RPH3A: variants seen among roughly 807,000 people sequenced by gnomAD.
The protein encoded by RPH3A is rabphilin 3A, also known as rabphilin-3A.
RPH3A carries 48 observed loss-of-function variants against 102.2 expected under a neutral mutation model. The ratio of observed to expected loss-of-function variants is 0.47; its 90% confidence interval spans 0.37 to 0.60. The LOEUF is 0.60. RPH3A is among the 20% of genes least tolerant of loss of function. The pLI is 0.00. For synonymous variants in RPH3A, 310 were observed against 324.3 expected, an observed-to-expected ratio of 0.96 and a Z score of 0.47; for missense variants, 781 against 910.1, an observed-to-expected ratio of 0.86 and a Z score of 1.83.
chr12:112,654,007 A>C (rs1214101319), intron 1 of RPH3A, among the ~76,000 whole-genome samples: 6 of 152,258 alleles, frequency 3.9e-5, no homozygotes, highest in Non-Finnish European at 8.8e-5. Context: ...GTATTAGTCA[A>C]GATCGTTACC....
At chr12:112,708,122 C>T (rs1314120294) in intron 1 of RPH3A, among the ~76,000 whole-genome samples, 1 of 152,208 alleles carries the variant, frequency 6.6e-6, no homozygotes, top group Non-Finnish European at 1.5e-5. Flanking sequence ...AACAGAAAGT[C>T]TTGGGCTCCT....
chr12:112,704,309 C>T (rs1307622787), intron 1 of RPH3A, among the ~76,000 whole-genome samples: 1 of 152,112 alleles, frequency 6.6e-6, no homozygotes, highest in Non-Finnish European at 1.5e-5. Flanking sequence ...AGGCTGGTCT[C>T]GAACTCCTGA....
At chr12:112,727,446 C>CACACAG (rs1565862433) in intron 1 of RPH3A, among the ~76,000 whole-genome samples, 1 of 11,320 alleles carries the variant, frequency 8.8e-5, no homozygotes, top group African/African-American at 9.7e-4. Context: ...CATACATACA[C>CACACAG]ACACAGACAC....
chr12:112,694,900 T>C (rs749552718), intron 1 of RPH3A: 3 of 169,428 alleles, frequency 1.8e-5, no homozygotes, highest in Non-Finnish European at 4.4e-5. Context: ...CCTGGCACCA[T>C]TGTGAAAATC....
At chr12:112,863,097 G>A (rs907114191) in intron 5 of RPH3A, among the ~76,000 whole-genome samples, 6 of 152,156 alleles carry the variant, frequency 3.9e-5, no homozygotes, top group African/African-American at 9.7e-5. Context: ...AAAAAAACCC[G>A]AAGTGGAAAC....
intron 7 of RPH3A, among the ~76,000 whole-genome samples, chr12:112,867,843 C>G (rs2042638110): frequency 6.6e-6 from 1 of 152,204 alleles, no homozygotes; most frequent in Non-Finnish European, 1.5e-5. Flanking sequence ...TCTCCTTGAC[C>G]AACTAAACCT....
intron 1 of RPH3A, among the ~76,000 whole-genome samples, chr12:112,704,614 T>A (rs1484934790): frequency 6.6e-6 from 1 of 152,112 alleles, no homozygotes; most frequent in Non-Finnish European, 1.5e-5. Flanking sequence ...ATCTCTTTCT[T>A]CCCAGAGATC....
At chr12:112,773,718 T>G in intron 1 of RPH3A, among the ~76,000 whole-genome samples, 1 of 146,630 alleles carries the variant, frequency 6.8e-6, no homozygotes, top group African/African-American at 2.5e-5. Flanking sequence ...CAATGAGAGG[T>G]GGGGGTGGGA....
intron 1 of RPH3A, among the ~76,000 whole-genome samples, chr12:112,637,343 T>C (rs985737190): frequency 6.6e-6 from 1 of 152,166 alleles, no homozygotes; most frequent in Non-Finnish European, 1.5e-5. Flanking sequence ...AGTCTGTGAG[T>C]ACCTATCACC....
intron 1 of RPH3A, among the ~76,000 whole-genome samples, chr12:112,724,259 C>T (rs1251211108): frequency 6.6e-6 from 1 of 152,026 alleles, no homozygotes; most frequent in East Asian, 1.9e-4. Context: ...AAGACAGGGT[C>T]TCACTATGTT....
At chr12:112,599,276 C>G (rs2039540030) in intron 1 of RPH3A, among the ~76,000 whole-genome samples, 1 of 152,140 alleles carries the variant, frequency 6.6e-6, no homozygotes, top group South Asian at 2.1e-4. Flanking sequence ...TTATGAGGGC[C>G]TGTGGGGATG....
At chr12:112,885,010 T>A (rs1354061728) in intron 16 of RPH3A, among the ~76,000 whole-genome samples, 1 of 152,244 alleles carries the variant, frequency 6.6e-6, no homozygotes, top group Non-Finnish European at 1.5e-5. Context: ...TTTAACATTT[T>A]ACATGTGTAT....
At chr12:112,706,145 G>A (rs901733234) in intron 1 of RPH3A, among the ~76,000 whole-genome samples, 1 of 152,120 alleles carries the variant, frequency 6.6e-6, no homozygotes, top group Non-Finnish European at 1.5e-5. Context: ...TATCCCCTTG[G>A]CACTAACCAT....
chr12:112,611,994 C>T (rs1237606183), intron 1 of RPH3A, among the ~76,000 whole-genome samples: 1 of 152,210 alleles, frequency 6.6e-6, no homozygotes, highest in Non-Finnish European at 1.5e-5. Context: ...GTTGTCACTA[C>T]CACATTTCCT....
intron 3 of RPH3A, among the ~76,000 whole-genome samples, chr12:112,833,879 A>G (rs1302277655): frequency 6.6e-6 from 1 of 152,110 alleles, no homozygotes; most frequent in South Asian, 2.1e-4. Flanking sequence ...GTGGGTGCAC[A>G]TTACTGCACC....
intron 1 of RPH3A, among the ~76,000 whole-genome samples, chr12:112,691,173 C>A (rs1448512319): frequency 6.6e-6 from 1 of 152,132 alleles, no homozygotes; most frequent in Admixed American, 6.6e-5. Flanking sequence ...TACAGGCGCC[C>A]GCCACCACGC....
chr12:112,832,097 G>A (rs751030405), intron 3 of RPH3A, among the ~76,000 whole-genome samples: 10 of 152,062 alleles, frequency 6.6e-5, no homozygotes, highest in South Asian at 4.2e-4. Flanking sequence ...AGACCTCCAT[G>A]TTGCTTATTC....
At chr12:112,795,926 A>T (rs1335093263) in intron 2 of RPH3A, among the ~76,000 whole-genome samples, 2 of 152,220 alleles carry the variant, frequency 1.3e-5, no homozygotes, top group African/African-American at 4.8e-5. Flanking sequence ...ACCCCTGACC[A>T]AAACAAAAGT....
At chr12:112,709,827 C>T (rs2040448098) in intron 1 of RPH3A, among the ~76,000 whole-genome samples, 1 of 152,284 alleles carries the variant, frequency 6.6e-6, no homozygotes, top group African/African-American at 2.4e-5. Flanking sequence ...CACAATAACA[C>T]AGTGGGGCGC....
Sources: allele counts gnomAD v4.1 joint callset (sites outside exome capture counted in the v4.1 genomes callset), GRCh38; gene constraint gnomAD v4.1.1; transcripts MANE v1.5; gene names NCBI Gene and HGNC (gene_info 2026-07-23, HGNC 2026-07-21).